Variants in ARHGEF11 observed in about 807,000 individuals in gnomAD.
The protein encoded by ARHGEF11 is Rho guanine exchange factor (GEF) 11.
In ARHGEF11, 55 loss-of-function variants were observed where a neutral mutation model predicts 193.7. That is an observed-to-expected ratio of 0.28 (90% CI 0.23 to 0.36). The LOEUF is 0.36. Among genes scored for constraint, ARHGEF11 ranks in the 10% least tolerant of loss-of-function variants. The pLI is 1.00. For synonymous variants in ARHGEF11, 693 were observed against 768.0 expected, an observed-to-expected ratio of 0.90 and a Z score of 1.62; for missense variants, 1,723 against 2,005.6, an observed-to-expected ratio of 0.86 and a Z score of 2.69.
rs1657980648 is a variant in ARHGEF11, at chr1:156,945,682, T to C, written c.2812+363A>G. 1.6e-5 allele frequency: 4 copies of C among 255,880 alleles called. No individual in the cohort carries two copies. The South Asian group carries it at 2.4e-4, about 15-fold the overall frequency. The allele number at this position is 255,880 out of a possible 1,614,324, so 15.9% of individuals were successfully genotyped here. A position where few individuals can be genotyped will look rare whatever the true frequency, so the allele number is the denominator to read the frequency against. ...CCCTCTAGTGTAACCACATAGGCTG[T>C]GTCTTTTGTGCACTGCAGGGGGCAT... On this transcript the variant is annotated intron_variant, in intron 29 of 40. Transcript: ENST00000368194.
chr1:156,984,307 T>C, intron 3 of ARHGEF11, 32 bp downstream of exon 3: 2 of 1,529,992 alleles, frequency 1.3e-6, no homozygotes, highest in South Asian at 1.2e-5. Flanking sequence ...GCAAGAACTG[T>C]CCACCGTGGG....
chr1:156,944,034 T>G lies in ARHGEF11; in HGVS notation c.3136A>C (p.Lys1046Gln). ...LQKQDEKLLLKCHSKTAVGSS... is the reference protein window; with the variant it reads ...LQKQDEKLLLQCHSKTAVGSS... ...CCCACAGCAGTCTTGCTGTGGCACT[T>G]CAGCAATAGCTTCTCATCCTGTTTC... Residue 1046 changes from lysine (K) to glutamine (Q), a missense_variant, in exon 32 of 41, where the codon AAG becomes CAG. Lys to Gln is a moderately conservative substitution (Grantham distance 53). Transcript: ENST00000368194. 6.2e-7 allele frequency: 1 copy of G among 1,614,148 alleles called. No individual in the cohort carries two copies. Among genetic ancestry groups the G allele is most frequent in the South Asian group, 1.1e-5 (1 of 91,092 alleles).
At chr1:157,027,395 A>G (rs1225085281) in intron 1 of ARHGEF11, among the ~76,000 whole-genome samples, 3 of 152,212 alleles carry the variant, frequency 2.0e-5, no homozygotes, top group African/African-American at 7.2e-5. Context: ...CACAAAAAAA[A>G]GAGTGCTGTC....
chr1:156,977,992 T>C (rs548101615), intron 6 of ARHGEF11, among the ~76,000 whole-genome samples: 1 of 152,368 alleles, frequency 6.6e-6, no homozygotes, highest in Non-Finnish European at 1.5e-5. Context: ...TAAAACCTCA[T>C]ATGCATTTGC....
chr1:157,014,987 C>T (rs1041748989), intron 1 of ARHGEF11, among the ~76,000 whole-genome samples: 1 of 152,184 alleles, frequency 6.6e-6, no homozygotes, highest in African/African-American at 2.4e-5. Context: ...GGGGACAACA[C>T]AGCCAACAGA....
intron 6 of ARHGEF11, 145 bp downstream of exon 6, chr1:156,978,059 T>C: frequency 2.3e-6 from 3 of 1,305,610 alleles, no homozygotes; most frequent in Non-Finnish European, 3.1e-6. Context: ...TTCATTTTTG[T>C]TCAACTCTTT....
chr1:156,979,166 C>T (rs1663723332), intron 5 of ARHGEF11, 63 bp downstream of exon 5: 2 of 959,814 alleles, frequency 2.1e-6, no homozygotes, highest in Admixed American at 3.5e-5. Flanking sequence ...CCTTTCCTCC[C>T]TCCTTTCCTC....
intron 14 of ARHGEF11, 76 bp from the exon 15 acceptor site, chr1:156,960,536 A>G: frequency 6.9e-7 from 1 of 1,444,338 alleles, no homozygotes; most frequent in Non-Finnish European, 9.7e-7. Context: ...CAAGGCGAGG[A>G]GGGCTTGGCC....
intron 14 of ARHGEF11, 70 bp from the exon 15 acceptor site, chr1:156,960,530 G>T: frequency 6.8e-7 from 1 of 1,473,274 alleles, no homozygotes; most frequent in Non-Finnish European, 9.5e-7. Context: ...AGTGTGCAAG[G>T]CGAGGAGGGC....
chr1:156,942,666 G>A (rs996980622), intron 33 of ARHGEF11, 24 bp downstream of exon 33: 2 of 1,607,622 alleles, frequency 1.2e-6, no homozygotes, highest in Non-Finnish European at 1.7e-6. Flanking sequence ...CACAGTTACG[G>A]GTAACCCCTC....
intron 1 of ARHGEF11, among the ~76,000 whole-genome samples, chr1:157,002,991 G>C (rs199961265): frequency 6.6e-6 from 1 of 152,204 alleles, no homozygotes; most frequent in East Asian, 1.9e-4. Flanking sequence ...GAGAGTGTTA[G>C]GACTAAATTA....
rs3819972 is a variant in ARHGEF11, at chr1:156,984,427, T to C, written c.135A>G (p.Gln45=). ...GGTCCTTTTGGATAATGACACAGCG[T>C]TGAACGAGACCTGGAAGGCGGAGAG... ...SDASETTGLV[Q]RCVIIQKDQH... Residue 45 remains glutamine (Q), a synonymous_variant, in exon 3 of 41, where the codon CAA becomes CAG. Transcript: ENST00000368194. 1.5e-3 allele frequency: 2,313 copies of C among 1,590,924 alleles called. 53 individuals carry two copies. The Admixed American group carries it at 0.033, about 23-fold the overall frequency.
chr1:156,958,990 G>A, intron 16 of ARHGEF11, 56 bp downstream of exon 16: 1 of 1,610,702 alleles, frequency 6.2e-7, no homozygotes, highest in African/African-American at 1.3e-5. Context: ...AAGGAGCCAG[G>A]GCCAAGAGGC....
At chr1:157,046,741 C>T (rs921099595), upstream of ARHGEF11, among the ~76,000 whole-genome samples, 10 of 152,134 alleles carry the variant, frequency 6.6e-5, no homozygotes, top group African/African-American at 2.4e-4. Flanking sequence ...TGACATTTGT[C>T]AGAAGGTGCC....
At chr1:156,936,490 AAAAAAAAATATATATATAT>A (rs1387501471) in intron 40 of ARHGEF11, among the ~76,000 whole-genome samples, 3 of 95,920 alleles carry the variant, frequency 3.1e-5, no homozygotes, top group African/African-American at 1.3e-4. Context: ...GAAAAAAAAA[AAAAAAAAATATATATATAT>A]ATATATATAT....
intron 1 of ARHGEF11, among the ~76,000 whole-genome samples, chr1:157,021,456 C>T (rs1669972944): frequency 6.6e-6 from 1 of 152,088 alleles, no homozygotes; most frequent in Non-Finnish European, 1.5e-5. Flanking sequence ...TTCATTATCA[C>T]CTCAAATGGA....
Position 156,937,627 on chromosome 1 carries a change from C to T in ARHGEF11, c.4193-131G>A, listed in dbSNP as rs150392840. On this transcript the variant is annotated intron_variant, in intron 38 of 40. Coordinates refer to ENST00000368194, the MANE Select transcript of ARHGEF11 (RefSeq NM_198236.3). The stretch of plus-strand genomic sequence containing the variant: ...GTCCTCTCCAGACAAACTCAGAGAA[C>T]GTGGGCCTTGCTCACTGTCTGCCAG... The T allele has an allele frequency of 1.3e-3, 1,286 of 980,412 alleles. 9 individuals carry two copies. The African/African-American group carries it at 0.016, about 12-fold the overall frequency. The allele number at this position is 980,412 out of a possible 1,614,324, so 60.7% of individuals were successfully genotyped here. A position where few individuals can be genotyped will look rare whatever the true frequency, so the allele number is the denominator to read the frequency against.
chr1:156,962,314 C>T (rs896378958), intron 13 of ARHGEF11, among the ~76,000 whole-genome samples: 5 of 152,162 alleles, frequency 3.3e-5, no homozygotes, highest in African/African-American at 1.2e-4. Context: ...AACAGCAGCC[C>T]ATGCCCCAGG....
At chr1:156,986,394 T>C (rs1211962892) in intron 1 of ARHGEF11, among the ~76,000 whole-genome samples, 3 of 152,042 alleles carry the variant, frequency 2.0e-5, no homozygotes, top group Non-Finnish European at 2.9e-5. Flanking sequence ...ATCTCTTTAA[T>C]ACCCAGCAAG....
Sources: allele counts gnomAD v4.1 joint callset (sites outside exome capture counted in the v4.1 genomes callset), GRCh38; gene constraint gnomAD v4.1.1; transcripts MANE v1.5; gene names NCBI Gene and HGNC (gene_info 2026-07-23, HGNC 2026-07-21).